Variants in GRIP1 observed in about 807,000 individuals in gnomAD.
GRIP1 encodes the protein glutamate receptor-interacting protein 1.
GRIP1 carries 45 observed loss-of-function variants against 129.9 expected under a neutral mutation model. The observed-to-expected ratio is 0.35, with a 90% CI of 0.27 to 0.44. GRIP1 has a LOEUF of 0.44. Among genes scored for constraint, GRIP1 ranks in the 20% least tolerant of loss-of-function variants. GRIP1 has a pLI of 1.00. For synonymous variants in GRIP1, 530 were observed against 520.8 expected, an observed-to-expected ratio of 1.02 and a Z score of -0.24; for missense variants, 1,196 against 1,396.8, an observed-to-expected ratio of 0.86 and a Z score of 2.29.
At chr12:66,775,002 G>A (rs2037934917) in intron 1 of GRIP1, among the ~76,000 whole-genome samples, 1 of 152,156 alleles carries the variant, frequency 6.6e-6, no homozygotes, top group Non-Finnish European at 1.5e-5. Context: ...CATTTCACAG[G>A]TGCTTGCTTG....
chr12:66,813,075 C>G (rs2039134641), intron 1 of GRIP1, among the ~76,000 whole-genome samples: 1 of 152,096 alleles, frequency 6.6e-6, no homozygotes, highest in South Asian at 2.1e-4. Context: ...ATACCTGAGA[C>G]TGGGTAATTT....
At chr12:66,578,921 G>A (rs551638029) in intron 2 of GRIP1, among the ~76,000 whole-genome samples, 34 of 152,176 alleles carry the variant, frequency 2.2e-4, no homozygotes, top group African/African-American at 7.0e-4. Flanking sequence ...CTCCCAGCAC[G>A]CAGCTGGAGA....
chr12:67,004,031 C>T (rs1404454070), intron 1 of GRIP1, among the ~76,000 whole-genome samples: 2 of 152,174 alleles, frequency 1.3e-5, no homozygotes, highest in Non-Finnish European at 2.9e-5. Flanking sequence ...CTTCACATCA[C>T]CTTCTCCTCT....
chr12:66,733,384 T>C (rs1304362759), intron 1 of GRIP1, among the ~76,000 whole-genome samples: 1 of 152,128 alleles, frequency 6.6e-6, no homozygotes, highest in Non-Finnish European at 1.5e-5. Flanking sequence ...TCATGGCTAA[T>C]AAGATATGAG....
chr12:66,381,612 A>G (rs7975938), intron 19 of GRIP1, among the ~76,000 whole-genome samples: 151,050 of 152,336 alleles, frequency 0.99, 74,897 homozygotes, highest in Middle Eastern at 1. Flanking sequence ...TGACCACTGA[A>G]TTCCCTGGTG....
chr12:66,949,477 A>C (rs1262827561), intron 1 of GRIP1, among the ~76,000 whole-genome samples: 1 of 152,234 alleles, frequency 6.6e-6, no homozygotes, highest in East Asian at 1.9e-4. Context: ...GAGACTTGGC[A>C]GGCCCAACAA....
At chr12:66,358,057 C>A (rs980821507) in intron 23 of GRIP1, among the ~76,000 whole-genome samples, 2 of 152,130 alleles carry the variant, frequency 1.3e-5, no homozygotes, top group Non-Finnish European at 2.9e-5. Flanking sequence ...CTACGCCCGG[C>A]TAATGTTTAT....
intron 1 of GRIP1, among the ~76,000 whole-genome samples, chr12:66,960,698 T>C (rs2041909760): frequency 6.6e-6 from 1 of 152,132 alleles, no homozygotes; most frequent in South Asian, 2.1e-4. Flanking sequence ...TCTTCAGACA[T>C]TTTTAGTTGA....
At chr12:66,985,515 G>A (rs796573444) in intron 1 of GRIP1, among the ~76,000 whole-genome samples, 45 of 152,076 alleles carry the variant, frequency 3.0e-4, no homozygotes, top group African/African-American at 1.1e-3. Context: ...CTATCATAGA[G>A]CTCTAAGACA....
chr12:66,508,976 T>G (rs1422927893), intron 7 of GRIP1, among the ~76,000 whole-genome samples: 2 of 152,214 alleles, frequency 1.3e-5, no homozygotes, highest in Non-Finnish European at 2.9e-5. Context: ...AGGATTGGTG[T>G]TCAGAATGAT....
intron 1 of GRIP1, among the ~76,000 whole-genome samples, chr12:66,612,584 T>C (rs112397034): frequency 0.28 from 42,459 of 151,938 alleles, 6,115 homozygotes; most frequent in Non-Finnish European, 0.31. Flanking sequence ...CTGCAGTGAG[T>C]CATGACTGCC....
intron 13 of GRIP1, among the ~76,000 whole-genome samples, chr12:66,443,421 C>T (rs921822215): frequency 6.6e-6 from 1 of 151,828 alleles, no homozygotes; most frequent in Non-Finnish European, 1.5e-5. Context: ...CCCTCCCCTA[C>T]CGCAATATTT....
intron 5 of GRIP1, among the ~76,000 whole-genome samples, chr12:66,526,980 C>CAGTT (rs2061266459): frequency 7.3e-6 from 1 of 137,098 alleles, no homozygotes; most frequent in African/African-American, 2.8e-5. Flanking sequence ...AAGGAGATAC[C>CAGTT]ATCTCATACC....
In GRIP1 at chr12:66,860,792, T is replaced by C. The variant is rs2040097979; in HGVS notation, c.58+208258A>G. Among the ~76,000 whole-genome samples the C allele has an allele frequency of 2.0e-5, 3 of 152,086 alleles. 1 individual carries two copies. Among genetic ancestry groups the C allele is most frequent in the Admixed American group, 2.0e-4 (3 of 15,244 alleles). On this transcript the variant is annotated intron_variant, in intron 1 of 1. Transcript: ENST00000643019. ...ATAATGTCTAGAGTGGGCCTCAAGA[T>C]ACTCCCTTTTTTATAAGCACCAGAT...
intron 1 of GRIP1, among the ~76,000 whole-genome samples, chr12:67,058,784 A>T (rs2043480652): frequency 6.6e-6 from 1 of 152,202 alleles, no homozygotes; most frequent in African/African-American, 2.4e-5. Context: ...AAGGAATAGG[A>T]TTCTTGTTTT....
intron 1 of GRIP1, among the ~76,000 whole-genome samples, chr12:66,859,219 A>T (rs142585031): frequency 2.0e-5 from 3 of 146,550 alleles, no homozygotes; most frequent in African/African-American, 7.4e-5. Flanking sequence ...GGAAATAGCA[A>T]AATGAGGCCC....
At chr12:66,792,870 A>T (rs992311515) in intron 1 of GRIP1, among the ~76,000 whole-genome samples, 15 of 152,144 alleles carry the variant, frequency 9.9e-5, no homozygotes, top group Non-Finnish European at 2.2e-4. Context: ...GAGTTCCCTG[A>T]CCACTGTTGC....
chr12:66,394,466 C>G (rs1373116862), intron 16 of GRIP1, 114 bp from the exon 17 acceptor site: 1 of 878,282 alleles, frequency 1.1e-6, no homozygotes, highest in Non-Finnish European at 1.8e-6. Context: ...TATCATGTCA[C>G]AGAAAATAAT....
At chr12:66,396,509 A>G (rs1429093068) in intron 16 of GRIP1, among the ~76,000 whole-genome samples, 1 of 152,228 alleles carries the variant, frequency 6.6e-6, no homozygotes, top group Non-Finnish European at 1.5e-5. Flanking sequence ...CGCAAAGATG[A>G]CAAAATAATA....
Sources: allele counts gnomAD v4.1 joint callset (sites outside exome capture counted in the v4.1 genomes callset), GRCh38; gene constraint gnomAD v4.1.1; transcripts MANE v1.5; gene names NCBI Gene and HGNC (gene_info 2026-07-23, HGNC 2026-07-21).